Variants in SERINC2 observed in about 807,000 individuals in gnomAD.
The protein encoded by SERINC2 is tumor differentially expressed protein 2.
SERINC2 carries 56 observed loss-of-function variants against 54.2 expected under a neutral mutation model. The observed-to-expected ratio is 1.03, with a 90% CI of 0.83 to 1.29. The LOEUF is 1.29. SERINC2 is among the 50% of genes most tolerant of loss of function. The probability of loss-of-function intolerance (pLI) is 0.00; values close to 1 mark genes in which losing one functional copy is unlikely to be tolerated. For missense variants in SERINC2, 614 were observed against 607.4 expected (o/e 1.01, Z -0.12); for synonymous variants, 272 against 253.1 (o/e 1.07, Z -0.71).
In SERINC2 at chr1:31,432,012, TAGGGTGGACAGGGTGGAC is replaced by T. The variant is rs1557500599; in HGVS notation, c.1014-902_1014-885del. On this transcript the variant is annotated intron_variant, in intron 8 of 9. Coordinates refer to ENST00000373709, the MANE Select transcript of SERINC2 (RefSeq NM_178865.5). ...GGGTGGATAGGGTGGATAGGGTGGA[TAGGGTGGACAGGGTGGAC>T]AGGGTGGACAGGGTGGACAGGGTGG... 1.2e-3 allele frequency among the ~76,000 whole-genome samples: 31 copies of T among 25,878 alleles called. 1 individual carries two copies. Among genetic ancestry groups the T allele is most frequent in the Non-Finnish European group, 2.2e-3 (20 of 9,218 alleles). 17.0% of individuals were successfully genotyped at this position (25,878 alleles called of 152,430 possible).
In SERINC2 at chr1:31,434,341, C is replaced by T. The variant is rs1038885771; in HGVS notation, c.*142C>T. 20 of 846,920 alleles carry T rather than the reference C, an allele frequency of 2.4e-5. No homozygotes were observed. The highest frequency in any genetic ancestry group is 8.3e-5 in the South Asian group (5 of 60,454). 52.5% of individuals were successfully genotyped at this position (846,920 alleles called of 1,614,324 possible). A position where few individuals can be genotyped will look rare whatever the true frequency, so the allele number is the denominator to read the frequency against. On this transcript the variant is annotated 3_prime_UTR_variant, in exon 10 of 10. Transcript: ENST00000373709. ...CCAGCTCCAGGACCTGCCCCTGAGC[C>T]GGGCCTTCTAGTCGTAGTGCCTTCA...
intron 8 of SERINC2, 63 bp from the exon 9 acceptor site, chr1:31,432,904 G>C (rs782216622): frequency 1.4e-4 from 186 of 1,324,770 alleles, no homozygotes; most frequent in Non-Finnish European, 1.8e-4. Flanking sequence ...GGGACCATTT[G>C]TGTCCAGTGT....
At chr1:31,432,051 G>A (rs1641269424) in intron 8 of SERINC2, among the ~76,000 whole-genome samples, 4 of 132,476 alleles carry the variant, frequency 3.0e-5, no homozygotes, top group Admixed American at 1.5e-4. Context: ...GGGTGGACAG[G>A]GTGGACAGGG....
Position 31,429,539 on chromosome 1 carries a change from G to A in SERINC2, c.1013+1G>A. Reference sequence around the variant, plus strand: ...TCCTCCTGTGCACCCTCTTCATCAGGTATGGCCAGGTCTGGATTCTGGGGA... The same window carrying A: ...TCCTCCTGTGCACCCTCTTCATCAGATATGGCCAGGTCTGGATTCTGGGGA... On this transcript the variant is annotated splice_donor_variant, in intron 8 of 9. Transcript: ENST00000373709. LOFTEE classifies it high-confidence loss of function. 1 of 1,602,576 alleles carries A rather than the reference G, an allele frequency of 6.2e-7. No homozygotes were observed. Among genetic ancestry groups the A allele is most frequent in the Non-Finnish European group, 8.5e-7 (1 of 1,173,036 alleles).
At position 31,413,277 on chromosome 1, in the gene SERINC2, C is replaced by T. The variant is rs1253844006; in HGVS notation, c.12C>T (p.Cys4=). Residue 4 remains cysteine (C), a synonymous_variant, in exon 1 of 10, where the codon TGC becomes TGT. Coordinates refer to ENST00000373709, the MANE Select transcript of SERINC2 (RefSeq NM_178865.5). This position sits in a 1 kb window ranked among gnomAD's most constrained non-coding sequence, Gnocchi z 5.0. ...CGGGAGCCGCCGCCATGGGGGCCTGCCTGGGAGCCTGCTCCCTGCTCAGCT... is the reference window on the plus strand; with the variant it reads ...CGGGAGCCGCCGCCATGGGGGCCTGTCTGGGAGCCTGCTCCCTGCTCAGCT... The part of the protein sequence containing the change: MGA[C]LGACSLLSCA... 3 of 1,261,506 alleles carry T rather than the reference C, an allele frequency of 2.4e-6. No homozygotes were observed. Among genetic ancestry groups the T allele is most frequent in the African/African-American group, 3.1e-5 (2 of 63,550 alleles). The allele number at this position is 1,261,506 out of a possible 1,614,324, so 78.1% of individuals were successfully genotyped here.
At position 31,432,095 on chromosome 1, in the gene SERINC2, GGGTGGAC is replaced by G. The variant is rs1557501185; in HGVS notation, c.1014-871_1014-865del. ...GTGGACAGGGTGGTTAGGGTGGACA[GGGTGGAC>G]AGGGTGGATAGGGTGGTTAGGGTGG... On this transcript the variant is annotated intron_variant, in intron 8 of 9. Coordinates refer to ENST00000373709, the MANE Select transcript of SERINC2 (RefSeq NM_178865.5). Among the ~76,000 whole-genome samples, 20 of 130,284 alleles carry G rather than the reference GGGTGGAC, an allele frequency of 1.5e-4. 1 individual carries two copies. Among genetic ancestry groups the G allele is most frequent in the African/African-American group, 2.2e-4 (7 of 31,792 alleles). 85.5% of individuals were successfully genotyped at this position (130,284 alleles called of 152,430 possible).
At chr1:31,421,353 C>T (rs572339174) in intron 1 of SERINC2, among the ~76,000 whole-genome samples, 2 of 152,088 alleles carry the variant, frequency 1.3e-5, no homozygotes, top group Non-Finnish European at 2.9e-5. Context: ...TGCTTTATGG[C>T]CTCTAAAACA....
upstream of SERINC2, chr1:31,410,463 G>T (rs1553131344): frequency 6.5e-7 from 1 of 1,550,024 alleles, no homozygotes. Flanking sequence ...TGCTGGGCGT[G>T]TGAGAGCCCA....
At chr1:31,428,900 C>G (rs1641115167) in intron 6 of SERINC2, 78 bp from the exon 7 acceptor site, 1 of 1,007,578 alleles carries the variant, frequency 9.9e-7, no homozygotes, top group Non-Finnish European at 1.4e-6. Context: ...TCTGAGGTCC[C>G]TTGGCTGGTG....
intron 8 of SERINC2, among the ~76,000 whole-genome samples, chr1:31,432,165 TAG>T (rs1641304388): frequency 5.1e-5 from 1 of 19,686 alleles, no homozygotes; most frequent in African/African-American, 1.3e-4. Flanking sequence ...ACAGGGTGGA[TAG>T]GGTGGATAGG....
At chr1:31,414,617 G>A in intron 1 of SERINC2, 3 of 985,738 alleles carry the variant, frequency 3.0e-6, no homozygotes, top group Non-Finnish European at 3.6e-6. Flanking sequence ...GTGTGTGCGT[G>A]TGCATGTGCG....
At chr1:31,413,075 C>G, upstream of SERINC2, 1 of 924,192 alleles carries the variant, frequency 1.1e-6, no homozygotes, top group Non-Finnish European at 1.3e-6. The surrounding 1 kb of genome is among the most constrained non-coding windows in gnomAD (Gnocchi z 5.0). Context: ...TCCCTAGGGT[C>G]CCTCCTGGCG....
chr1:31,432,011 A>ATAGGATGGT (rs1641258199), intron 8 of SERINC2, among the ~76,000 whole-genome samples: 1 of 95,444 alleles, frequency 1.0e-5, no homozygotes, highest in Non-Finnish European at 2.1e-5. Flanking sequence ...GATAGGGTGG[A>ATAGGATGGT]TAGGGTGGAC....
rs1275899339 is a variant in SERINC2 at position 31,423,785 on chromosome 1, C to A, written c.132C>A (p.Phe44Leu). 2.5e-6 allele frequency: 4 copies of A among 1,613,948 alleles called. No individual in the cohort carries two copies. Among genetic ancestry groups the A allele is most frequent in the East Asian group, 2.2e-5 (1 of 44,882 alleles). Residue 44 changes from phenylalanine (F) to leucine (L), a missense_variant, in exon 2 of 10, where the codon TTC (phenylalanine) becomes TTA (leucine). Transcript: ENST00000373709. Reference sequence around the variant, plus strand: ...CCGTGAGCCGCCTCATCTTCACGTTCTTCCTCTTCCTGGGGGTGCTGGTGT... The same window carrying A: ...CCGTGAGCCGCCTCATCTTCACGTTATTCCTCTTCCTGGGGGTGCTGGTGT... ...NSTVSRLIFT[F>L]FLFLGVLVSI...
In SERINC2 at chr1:31,434,502, C is replaced by G. The variant is rs1641418283; in HGVS notation, c.*303C>G. ...ATGAAAGGGCTCCCTTGTCCTCAGG[C>G]TCCACGGGAGCGGGGCTGCTGGAGA... On this transcript the variant is annotated 3_prime_UTR_variant, in exon 10 of 10. Coordinates refer to ENST00000373709, the MANE Select transcript of SERINC2 (RefSeq NM_178865.5). 1 of 399,398 alleles carries G rather than the reference C, an allele frequency of 2.5e-6. No homozygotes were observed. The highest frequency in any genetic ancestry group is 3.9e-5 in the South Asian group (1 of 25,660). The allele number at this position is 399,398 out of a possible 1,614,324, so 24.7% of individuals were successfully genotyped here.
chr1:31,410,414 G>A, upstream of SERINC2: 1 of 1,549,492 alleles, frequency 6.5e-7, no homozygotes, highest in East Asian at 2.4e-5. Context: ...GAGAGGAGGA[G>A]TCACCCGGAC....
At chr1:31,409,946 A>T, upstream of SERINC2, 1 of 1,172,752 alleles carries the variant, frequency 8.5e-7, no homozygotes, top group Non-Finnish European at 1.2e-6. Context: ...AGGCCCAGTG[A>T]GATCAGATTA....
chr1:31,414,379 G>A, intron 1 of SERINC2: 1 of 1,222,460 alleles, frequency 8.2e-7, no homozygotes, highest in Non-Finnish European at 1.0e-6. Context: ...GGCTGCAGCG[G>A]CTGCTGAATC....
At chr1:31,410,710 C>T (rs575825820), upstream of SERINC2, among the ~76,000 whole-genome samples, 129 of 152,332 alleles carry the variant, frequency 8.5e-4, no homozygotes, top group African/African-American at 3.0e-3. Flanking sequence ...TGGACGGACA[C>T]CCCTTGTGGG....
Sources: gnomAD v4.1 joint callset for allele counts (sites outside exome capture counted in the v4.1 genomes callset) on GRCh38, gnomAD v4.1.1 for gene constraint, Gnocchi (gnomAD v3.1) non-coding constraint, MANE v1.5 for transcripts, NCBI Gene and HGNC (gene_info 2026-07-23, HGNC 2026-07-21) for gene names.